MAGI1: variants seen among roughly 807,000 people sequenced by gnomAD.
MAGI1 encodes the protein membrane associated guanylate kinase, WW and PDZ domain containing 1.
In MAGI1, 58 loss-of-function variants were observed where a neutral mutation model predicts 139.9. The observed-to-expected ratio is 0.41, with a 90% confidence interval of 0.34 to 0.52. The LOEUF (loss-of-function observed/expected upper bound fraction) is 0.52. MAGI1 is among the 20% of genes least tolerant of loss of function. MAGI1 has a pLI of 0.12. For synonymous variants in MAGI1, 812 were observed against 737.9 expected (o/e 1.10, Z -1.63); for missense variants, 1,874 against 1,901.6 (o/e 0.99, Z 0.27).
intron 1 of MAGI1, among the ~76,000 whole-genome samples, chr3:65,957,354 A>C (rs1333762182): frequency 2.0e-5 from 3 of 150,196 alleles, no homozygotes; most frequent in Non-Finnish European, 3.0e-5. Context: ...TCTCTACAAA[A>C]AAAAAAAAAA....
At chr3:65,866,612 G>C (rs1015318198) in intron 1 of MAGI1, among the ~76,000 whole-genome samples, 16 of 152,062 alleles carry the variant, frequency 1.1e-4, no homozygotes, top group African/African-American at 3.4e-4. Context: ...GAACTAAAGA[G>C]ATGCAGCATC....
At chr3:65,568,338 A>G (rs1278089569) in intron 2 of MAGI1, among the ~76,000 whole-genome samples, 2 of 151,894 alleles carry the variant, frequency 1.3e-5, no homozygotes, top group Non-Finnish European at 2.9e-5. Context: ...TGTGCACAGG[A>G]GCTAGAAAGC....
At chr3:65,497,294 C>T (rs1174076913) in intron 2 of MAGI1, among the ~76,000 whole-genome samples, 1 of 152,010 alleles carries the variant, frequency 6.6e-6, no homozygotes, top group Non-Finnish European at 1.5e-5. Context: ...TTTAACTTTT[C>T]GAAGATGAGA....
intron 1 of MAGI1, among the ~76,000 whole-genome samples, chr3:65,911,556 C>A (rs1432664809): frequency 6.6e-6 from 1 of 152,052 alleles, no homozygotes; most frequent in African/African-American, 2.4e-5. Context: ...CACTTAGGAC[C>A]AAACTATATC....
chr3:65,934,312 G>A (rs2062945842), intron 1 of MAGI1, among the ~76,000 whole-genome samples: 1 of 150,286 alleles, frequency 6.7e-6, no homozygotes, highest in Non-Finnish European at 1.5e-5. Flanking sequence ...GCCCAGGCTG[G>A]TCTCAAACTC....
intron 1 of MAGI1, among the ~76,000 whole-genome samples, chr3:65,867,762 G>T (rs2059781104): frequency 3.3e-5 from 5 of 151,992 alleles, no homozygotes; most frequent in Admixed American, 3.3e-4. Flanking sequence ...CAAAAAAGGG[G>T]TGGGAGTGGG....
intron 2 of MAGI1, among the ~76,000 whole-genome samples, chr3:65,590,617 T>C (rs2081925773): frequency 6.6e-6 from 1 of 152,198 alleles, no homozygotes; most frequent in African/African-American, 2.4e-5. Context: ...GTCCCCCCCA[T>C]TCGTCTTTAA....
chr3:65,841,255 T>C lies in MAGI1; in HGVS notation c.313+196741A>G, dbSNP rs137958991. Among the ~76,000 whole-genome samples the C allele has an allele frequency of 1.8e-3, 275 of 152,140 alleles. 4 individuals carry two copies. The highest frequency in any genetic ancestry group is 6.3e-3 in the African/African-American group (263 of 41,534). On this transcript the variant is annotated intron_variant, in intron 1 of 22. Transcript: ENST00000402939. ...CTTTTTGTTTCACTGATTTTCTCTA[T>C]TGTTTTCTGTTTTTAATTTCATTGA...
At chr3:65,620,074 G>A (rs1268658515) in intron 2 of MAGI1, 3 of 817,588 alleles carry the variant, frequency 3.7e-6, no homozygotes, top group Non-Finnish European at 3.0e-6. Context: ...TAAATCAGTG[G>A]AAAAAATAAA....
At chr3:65,907,263 C>T (rs2061477555) in intron 1 of MAGI1, among the ~76,000 whole-genome samples, 1 of 152,090 alleles carries the variant, frequency 6.6e-6, no homozygotes, top group Non-Finnish European at 1.5e-5. Flanking sequence ...ATTTTATTAA[C>T]ATATATGTTA....
rs773086494 is a variant in MAGI1 at position 65,379,388 on chromosome 3, G to A, written c.2868C>T (p.Gly956=). 2.0e-5 allele frequency: 32 copies of A among 1,612,484 alleles called. No homozygotes were observed. The highest frequency in any genetic ancestry group is 3.3e-5 in the Admixed American group (2 of 59,920). The part of the protein sequence containing the change: ...GSTSGIGSGG[G]GGSGVVSTVV... Reference sequence around the variant, plus strand: ...CGGTGCTGACCACGCCGCTGCCCCCGCCGCCGCCACTGCCGATGCCGCTGG... The same window carrying A: ...CGGTGCTGACCACGCCGCTGCCCCCACCGCCGCCACTGCCGATGCCGCTGG... Residue 956 remains glycine, a synonymous_variant, in exon 17 of 23, where the codon GGC becomes GGT. Coordinates refer to ENST00000402939, the MANE Select transcript of MAGI1 (RefSeq NM_001033057.2).
chr3:65,736,909 A>T (rs1238150015), intron 1 of MAGI1, among the ~76,000 whole-genome samples: 7 of 152,176 alleles, frequency 4.6e-5, no homozygotes, highest in Admixed American at 4.6e-4. Context: ...TCTCACTATT[A>T]ATTTCAAAGG....
chr3:65,987,159 C>T (rs955466532), intron 1 of MAGI1, among the ~76,000 whole-genome samples: 5 of 152,132 alleles, frequency 3.3e-5, no homozygotes, highest in African/African-American at 7.2e-5. Flanking sequence ...TGAGCTACCG[C>T]GCCTGGCCTA....
chr3:66,037,903 C>G, intron 1 of MAGI1, 93 bp downstream of exon 1: 1 of 1,507,196 alleles, frequency 6.6e-7, no homozygotes, highest in South Asian at 1.3e-5. Context: ...TCACTGCGCT[C>G]CGAGGAGGGA....
At chr3:65,558,002 T>C (rs1183333264) in intron 2 of MAGI1, among the ~76,000 whole-genome samples, 1 of 152,068 alleles carries the variant, frequency 6.6e-6, no homozygotes, top group Non-Finnish European at 1.5e-5. Flanking sequence ...TACCCACGAG[T>C]CAATTAATAA....
Position 65,365,657 on chromosome 3 carries a change from G to C in MAGI1, c.3197-711C>G, listed in dbSNP as rs370619163. Among the ~76,000 whole-genome samples, 5 of 152,204 alleles carry C rather than the reference G, an allele frequency of 3.3e-5. No homozygotes were observed. The East Asian group carries it at 9.7e-4, about 29-fold the overall frequency. The stretch of plus-strand genomic sequence containing the variant: ...TTTAATTGTAGGTTGACTGAAACTC[G>C]TCATACATTTTCTAACAAAGAAAAT... On this transcript the variant is annotated intron_variant, in intron 18 of 22. Coordinates refer to ENST00000402939, the MANE Select transcript of MAGI1 (RefSeq NM_001033057.2).
intron 2 of MAGI1, among the ~76,000 whole-genome samples, chr3:65,575,334 A>G (rs75640475): frequency 6.6e-6 from 1 of 152,018 alleles, no homozygotes; most frequent in African/African-American, 2.4e-5. Flanking sequence ...TGAGGTACCA[A>G]GATATACTAT....
At chr3:65,523,147 A>G (rs187391600) in intron 2 of MAGI1, among the ~76,000 whole-genome samples, 1 of 152,324 alleles carries the variant, frequency 6.6e-6, no homozygotes, top group African/African-American at 2.4e-5. Context: ...AGAGTCTTTT[A>G]TACCACAGTC....
At chr3:65,850,255 G>A (rs1195591664) in intron 1 of MAGI1, among the ~76,000 whole-genome samples, 2 of 152,130 alleles carry the variant, frequency 1.3e-5, no homozygotes, top group Non-Finnish European at 2.9e-5. Flanking sequence ...TTCTTTTGCA[G>A]TATACAAACT....
Sources: gnomAD v4.1 joint callset for allele counts (sites outside exome capture counted in the v4.1 genomes callset) on GRCh38, gnomAD v4.1.1 for gene constraint, MANE v1.5 for transcripts, NCBI Gene and HGNC (gene_info 2026-07-23, HGNC 2026-07-21) for gene names.